The following DPH6 variants were observed in gnomAD, a reference collection of about 807,000 sequenced individuals.
DPH6 encodes diphthamine biosynthesis 6, also known as diphthine--ammonia ligase.
A neutral mutation model predicts 38.2 loss-of-function variants in DPH6; 33 were observed. The observed-to-expected ratio is 0.86, with a 90% CI of 0.65 to 1.15. The LOEUF (loss-of-function observed/expected upper bound fraction) is 1.15, where lower values mean the gene tolerates loss of function less well. Ranked by LOEUF, DPH6 falls within the 50% of genes most tolerant of loss-of-function variation. The pLI is 0.00. For synonymous variants in DPH6, 108 were observed against 103.0 expected, an observed-to-expected ratio of 1.05 and a Z score of -0.30; for missense variants, 325 against 320.0, an observed-to-expected ratio of 1.02 and a Z score of -0.12.
intron 1 of DPH6, among the ~76,000 whole-genome samples, chr15:35,542,945 A>AATATATATATATAT (rs67141062): frequency 0.013 from 404 of 30,204 alleles, 30 homozygotes; most frequent in Middle Eastern, 0.024. Flanking sequence ...CCACTTAAGG[A>AATATATATATATAT]ATATATATAT....
At chr15:35,446,699 G>A (rs748409330) in intron 5 of DPH6, among the ~76,000 whole-genome samples, 2 of 152,072 alleles carry the variant, frequency 1.3e-5, no homozygotes, top group Non-Finnish European at 2.9e-5. Flanking sequence ...AAAGTTTTAC[G>A]TGGCTTTTTA....
chr15:35,455,270 T>C (rs918116130), intron 3 of DPH6, among the ~76,000 whole-genome samples: 1 of 152,096 alleles, frequency 6.6e-6, no homozygotes, highest in Non-Finnish European at 1.5e-5. Context: ...AAAAAAATGA[T>C]TGAAATAGGA....
At chr15:35,263,389 ATAAT>A (rs2051761509) in intron 3 of DPH6, among the ~76,000 whole-genome samples, 1 of 150,372 alleles carries the variant, frequency 6.7e-6, no homozygotes, top group Non-Finnish European at 1.5e-5. Flanking sequence ...ACATTTTAAC[ATAAT>A]TAATCTTTTT....
intron 3 of DPH6, among the ~76,000 whole-genome samples, chr15:35,304,030 C>T (rs2140809276): frequency 6.6e-6 from 1 of 152,092 alleles, no homozygotes; most frequent in East Asian, 1.9e-4. Flanking sequence ...AAATAAAAAT[C>T]TAGTTTTCTG....
intron 3 of DPH6, chr15:35,298,355 A>C: frequency 3.0e-6 from 2 of 663,230 alleles, no homozygotes; most frequent in Non-Finnish European, 5.8e-6. Context: ...TAACCGCTTG[A>C]ATTGCTGATT....
chr15:35,248,419 T>C (rs1216305732), intron 3 of DPH6, among the ~76,000 whole-genome samples: 1 of 152,186 alleles, frequency 6.6e-6, no homozygotes, highest in Non-Finnish European at 1.5e-5. Context: ...TCCTGCCCCA[T>C]ACTCAGAAGG....
intron 3 of DPH6, among the ~76,000 whole-genome samples, chr15:35,479,457 C>A (rs2054301069): frequency 6.6e-6 from 1 of 152,054 alleles, no homozygotes; most frequent in African/African-American, 2.4e-5. Context: ...CTACAAGCAG[C>A]AACATGTACC....
intron 3 of DPH6, among the ~76,000 whole-genome samples, chr15:35,474,465 A>T (rs1463397421): frequency 6.6e-6 from 1 of 152,172 alleles, no homozygotes; most frequent in Non-Finnish European, 1.5e-5. Context: ...CCATAACAGC[A>T]AGTTTAAAGG....
chr15:35,235,619 C>T (rs2051546065), intron 3 of DPH6, among the ~76,000 whole-genome samples: 1 of 152,172 alleles, frequency 6.6e-6, no homozygotes, highest in Non-Finnish European at 1.5e-5. Context: ...CAGGCTCTTC[C>T]TACCAAAAAT....
chr15:35,275,034 C>T (rs1340724512), intron 3 of DPH6, among the ~76,000 whole-genome samples: 1 of 152,078 alleles, frequency 6.6e-6, no homozygotes, highest in African/African-American at 2.4e-5. Flanking sequence ...CCTGCCTCAG[C>T]CTCCTGAGTA....
At chr15:35,399,723 G>A (rs1028003021) in intron 6 of DPH6, among the ~76,000 whole-genome samples, 24 of 152,160 alleles carry the variant, frequency 1.6e-4, no homozygotes, top group Admixed American at 6.5e-4. Context: ...AAGCTACAAG[G>A]CAATGAAGCA....
intron 5 of DPH6, among the ~76,000 whole-genome samples, chr15:35,421,399 C>A (rs2053503234): frequency 6.6e-6 from 1 of 152,094 alleles, no homozygotes; most frequent in African/African-American, 2.4e-5. Flanking sequence ...CAATGGCATA[C>A]ATGAAATAAA....
At position 35,538,553 on chromosome 15, in the gene DPH6, A is replaced by G; in HGVS notation, c.119-86T>C. ...AGCCCATCCAGGTTTTACTGCTTGA[A>G]TAGTCGACACAGAACTTGAAAGCTT... On this transcript the variant is annotated intron_variant, in intron 2 of 8. Transcript: ENST00000256538. 3 of 1,198,546 alleles carry G rather than the reference A, an allele frequency of 2.5e-6. No individual in the cohort carries two copies. In the South Asian group the frequency reaches 6.5e-5, roughly 26 times the overall value. 74.2% of individuals were successfully genotyped at this position (1,198,546 alleles called of 1,614,324 possible).
intron 3 of DPH6, among the ~76,000 whole-genome samples, chr15:35,503,850 T>C (rs1045219528): frequency 6.6e-6 from 1 of 152,066 alleles, no homozygotes; most frequent in African/African-American, 2.4e-5. Flanking sequence ...AAGTAACTTG[T>C]CCAAAGTTAC....
At chr15:35,398,745 A>G (rs2053179166) in intron 6 of DPH6, among the ~76,000 whole-genome samples, 1 of 152,222 alleles carries the variant, frequency 6.6e-6, no homozygotes, top group Admixed American at 6.5e-5. Flanking sequence ...GTTAGTCAGA[A>G]GTATAGGTAA....
intron 3 of DPH6, among the ~76,000 whole-genome samples, chr15:35,346,103 A>G (rs933310464): frequency 1.3e-5 from 2 of 152,172 alleles, no homozygotes; most frequent in African/African-American, 2.4e-5. Context: ...ATACTGTAGA[A>G]TAACATTAAA....
At chr15:35,384,261 A>G (rs760169617) in intron 6 of DPH6, among the ~76,000 whole-genome samples, 1 of 143,266 alleles carries the variant, frequency 7.0e-6, no homozygotes, top group Non-Finnish European at 1.5e-5. Context: ...CAGATTTTTG[A>G]AAAGTTTAAT....
intron 5 of DPH6, among the ~76,000 whole-genome samples, chr15:35,426,338 G>A (rs913980626): frequency 6.6e-6 from 1 of 151,604 alleles, no homozygotes; most frequent in Non-Finnish European, 1.5e-5. Flanking sequence ...ACAAAGTTCA[G>A]GTGTAAAAAT....
At chr15:35,181,654 T>G in the DPH6 span, 1 of 152,082 alleles carries the variant, frequency 6.6e-6, no homozygotes, top group African/African-American at 2.4e-5. Flanking sequence ...ACATAAACAA[T>G]GCCCTTGTCC....
Sources: allele counts gnomAD v4.1 joint callset (sites outside exome capture counted in the v4.1 genomes callset), GRCh38; gene constraint gnomAD v4.1.1; transcripts MANE v1.5; gene names NCBI Gene and HGNC (gene_info 2026-07-23, HGNC 2026-07-21).